C2orf74: variants seen among roughly 807,000 people sequenced by gnomAD.
The protein encoded by C2orf74 is DPM1 ER membrane anchor 1, also known as uncharacterized protein C2orf74.
A neutral mutation model predicts 17.9 loss-of-function variants in C2orf74; 14 were observed. The ratio of observed to expected loss-of-function variants is 0.78; its 90% CI spans 0.52 to 1.22. The LOEUF (loss-of-function observed/expected upper bound fraction) is 1.22, where lower values mean the gene tolerates loss of function less well. C2orf74 is among the 50% of genes most tolerant of loss of function. The pLI, the probability that C2orf74 is intolerant of heterozygous loss-of-function variation, is 0.00. For missense variants in C2orf74, 217 were observed against 218.4 expected, an observed-to-expected ratio of 0.99 and a Z score of 0.04; for synonymous variants, 79 against 72.6, an observed-to-expected ratio of 1.09 and a Z score of -0.44.
chr2:61,153,165 AAAC>A (rs1270510618), intron 1 of C2orf74, among the ~76,000 whole-genome samples: 85 of 152,080 alleles, frequency 5.6e-4, no homozygotes, highest in African/African-American at 1.8e-3. Context: ...AAAAAAAAAA[AAAC>A]AACATTACCA....
At chr2:61,149,407 C>CAACTTCAAGGTTTATTCCAGAGCT (rs1685159288) in intron 1 of C2orf74, among the ~76,000 whole-genome samples, 1 of 151,962 alleles carries the variant, frequency 6.6e-6, no homozygotes, top group Non-Finnish European at 1.5e-5. Flanking sequence ...TATAAAAGTG[C>CAACTTCAAGGTTTATTCCAGAGCT]AACTTCAAGG....
At chr2:61,146,693 G>T (rs1685078467) in intron 1 of C2orf74, among the ~76,000 whole-genome samples, 1 of 152,136 alleles carries the variant, frequency 6.6e-6, no homozygotes, top group Non-Finnish European at 1.5e-5. Flanking sequence ...AATTAGACTG[G>T]CGTGGTGGCG....
chr2:61,163,265 T>C (rs1224726559), intron 4 of C2orf74, 33 bp downstream of exon 4: 2 of 1,535,358 alleles, frequency 1.3e-6, no homozygotes, highest in Non-Finnish European at 8.8e-7. Flanking sequence ...AAGAGCAGTT[T>C]AGAATTTGTT....
chr2:61,159,836 T>G (rs1685509334), upstream of C2orf74, among the ~76,000 whole-genome samples: 1 of 152,212 alleles, frequency 6.6e-6, no homozygotes, highest in Non-Finnish European at 1.5e-5. Context: ...AACATAAAAT[T>G]TACCATTTTA....
rs747876665 is a variant in C2orf74, at chr2:61,163,250, T to C, written c.390+18T>C. The C allele has an allele frequency of 9.1e-6, 14 of 1,546,862 alleles. No individual in the cohort carries two copies. In the South Asian group the frequency reaches 1.6e-4, roughly 17 times the overall value. ...AAGAAGAGGTGATGTGTTTTTCTAC[T>C]CTCAAAGAGCAGTTTAGAATTTGTT... On this transcript the variant is annotated intron_variant, in intron 4 of 4. Transcript: ENST00000432605.
intron 1 of C2orf74, among the ~76,000 whole-genome samples, chr2:61,145,750 A>G (rs1685051659): frequency 6.6e-6 from 1 of 151,938 alleles, no homozygotes; most frequent in South Asian, 2.1e-4. Context: ...TTTCTGAGAC[A>G]GGTGGCACGA....
At chr2:61,161,757 C>G (rs962414064), upstream of C2orf74, 2 of 152,478 alleles carry the variant, frequency 1.3e-5, no homozygotes, top group Non-Finnish European at 2.9e-5. Flanking sequence ...TAAGTGTTCC[C>G]TCTTCAATTT....
At chr2:61,157,990 G>T (rs557224221), upstream of C2orf74, 2 of 471,102 alleles carry the variant, frequency 4.2e-6, no homozygotes, top group Admixed American at 4.7e-5. Context: ...GGCCACCATA[G>T]CAAAGAAGTC....
At chr2:61,160,770 G>A (rs1402192436), upstream of C2orf74, among the ~76,000 whole-genome samples, 2 of 152,156 alleles carry the variant, frequency 1.3e-5, no homozygotes, top group Admixed American at 6.6e-5. Flanking sequence ...CATTACAGGC[G>A]TGAGCCACCA....
chr2:61,163,094 T>G lies in C2orf74; in HGVS notation c.252T>G (p.Pro84=). 6.4e-7 allele frequency: 1 copy of G among 1,552,168 alleles called. No homozygotes were observed. The highest frequency in any genetic ancestry group is 8.7e-7 in the Non-Finnish European group (1 of 1,147,070). Residue 84 remains proline (P), a synonymous_variant, in exon 4 of 5, where the codon CCT becomes CCG. Transcript: ENST00000432605. ...TGAACTTGAATGTGCCGATGAGGCC[T>G]GGCATTCTTGTCCAGAGACAGAGTA... ...QVMNLNVPMR[P]GILVQRQSKE... is the part of the protein sequence containing the mutation.
intron 2 of C2orf74, 39 bp from the exon 3 acceptor site, chr2:61,162,803 A>G (rs1685603010): frequency 6.7e-6 from 10 of 1,500,688 alleles, no homozygotes; most frequent in Non-Finnish European, 9.1e-6. Context: ...AATCAGGGCC[A>G]TTCTTCCTTT....
intron 1 of C2orf74, among the ~76,000 whole-genome samples, chr2:61,150,567 A>T (rs1037158873): frequency 1.3e-5 from 2 of 152,150 alleles, no homozygotes; most frequent in Non-Finnish European, 2.9e-5. Context: ...ATGTTCCTTT[A>T]TGCCCACATA....
chr2:61,163,027 A>G (rs1256891775), intron 3 of C2orf74, 25 bp from the exon 4 acceptor site: 1 of 1,552,260 alleles, frequency 6.4e-7, no homozygotes. Flanking sequence ...ATGAATGTTT[A>G]AAACTCTACC....
chr2:61,149,549 C>G (rs1038150727), intron 1 of C2orf74, among the ~76,000 whole-genome samples: 1 of 129,452 alleles, frequency 7.7e-6, no homozygotes, highest in Admixed American at 7.5e-5. Flanking sequence ...GGGCCAAGTT[C>G]CCCGTCTAGA....
upstream of C2orf74, among the ~76,000 whole-genome samples, chr2:61,159,686 A>G (rs1451170158): frequency 6.6e-6 from 1 of 152,202 alleles, no homozygotes; most frequent in Non-Finnish European, 1.5e-5. Context: ...AAATTGAACA[A>G]AGGGTGGAGA....
chr2:61,157,739 C>A, upstream of C2orf74: 1 of 402,784 alleles, frequency 2.5e-6, no homozygotes, highest in South Asian at 1.9e-5. Context: ...TGTGGACTAT[C>A]CTGATCAGCC....
chr2:61,161,220 C>A (rs1177303), upstream of C2orf74, among the ~76,000 whole-genome samples: 64,728 of 152,022 alleles, frequency 0.43, 14,057 homozygotes, highest in Middle Eastern at 0.5. Flanking sequence ...GGAGAAATGT[C>A]TTGAAATCCT....
chr2:61,146,795 C>T (rs2441466), intron 1 of C2orf74, among the ~76,000 whole-genome samples: 40,976 of 151,390 alleles, frequency 0.27, 5,871 homozygotes, highest in Middle Eastern at 0.4. Context: ...GCCGAGATGG[C>T]GCCACTGCAC....
Position 61,164,392 on chromosome 2 carries a change from A to T in C2orf74, c.429A>T (p.Arg143Ser), listed in dbSNP as rs1378862246. 1 of 1,550,146 alleles carries T rather than the reference A, an allele frequency of 6.5e-7. No homozygotes were observed. Among genetic ancestry groups the T allele is most frequent in the Non-Finnish European group, 8.7e-7 (1 of 1,146,536 alleles). Reference sequence around the variant, plus strand: ...AGAAAATACACACATCTGTCACTAGAACTCCTTCAGTTGTTGAAAGCCAAA... The same window carrying T: ...AGAAAATACACACATCTGTCACTAGTACTCCTTCAGTTGTTGAAAGCCAAA... Reference protein sequence around the residue: ...GLQKIHTSVTRTPSVVESQKR... With the variant: ...GLQKIHTSVTSTPSVVESQKR... Residue 143 changes from arginine to serine, a missense_variant, in exon 5 of 5, where the codon AGA (arginine) becomes AGT (serine). Physicochemically the swap from Arg to Ser is moderately radical, Grantham distance 110 (BLOSUM62 -1). Coordinates refer to ENST00000432605, the MANE Select transcript of C2orf74 (RefSeq NM_001143959.4).
Sources: gnomAD v4.1 joint callset for allele counts (sites outside exome capture counted in the v4.1 genomes callset) on GRCh38, gnomAD v4.1.1 for gene constraint, MANE v1.5 for transcripts, NCBI Gene and HGNC (gene_info 2026-07-23, HGNC 2026-07-21) for gene names.